Variants in CYBB observed in about 807,000 individuals in gnomAD.
CYBB encodes NADPH oxidase 2.
In CYBB, 5 loss-of-function variants were observed where a neutral mutation model predicts 46.5. The observed-to-expected ratio is 0.11, with a 90% CI of 0.06 to 0.23. The LOEUF (loss-of-function observed/expected upper bound fraction) is 0.23, where lower values mean the gene tolerates loss of function less well. Ranked by LOEUF, CYBB falls within the 10% of genes least tolerant of loss-of-function variation. The probability of loss-of-function intolerance (pLI) is 1.00; values close to 1 mark genes in which losing one functional copy is unlikely to be tolerated. For missense variants in CYBB, 307 were observed against 428.3 expected (o/e 0.72, Z 2.50); for synonymous variants, 183 against 156.7 (o/e 1.17, Z -1.26).
At chrX:37,799,196 C>A in intron 7 of CYBB, 112 bp downstream of exon 7, 3 of 730,343 alleles carry the variant, frequency 4.1e-6, no homozygotes, top group East Asian at 3.3e-5. Flanking sequence ...TTACAAATGT[C>A]ATGGAACAGC....
intron 6 of CYBB, among the ~76,000 whole-genome samples, chrX:37,797,175 A>G (rs371418498): frequency 1.8e-5 from 2 of 111,395 alleles, no homozygotes; most frequent in Admixed American, 1.9e-4. Flanking sequence ...TGGGCACTGC[A>G]TTCTTAAACT....
At chrX:37,798,549 C>A (rs1268411313) in intron 6 of CYBB, among the ~76,000 whole-genome samples, 1 of 111,911 alleles carries the variant, frequency 8.9e-6, no homozygotes, top group African/African-American at 3.2e-5. Flanking sequence ...GAGCCCTTTG[C>A]TTATATCTTC....
chrX:37,804,336 A>C (rs1415322448), intron 9 of CYBB, among the ~76,000 whole-genome samples: 2 of 111,897 alleles, frequency 1.8e-5, no homozygotes, highest in African/African-American at 3.3e-5. Flanking sequence ...AAAACCTTGA[A>C]TCAAATATTA....
At chrX:37,784,057 A>G (rs1556464946) in intron 3 of CYBB, among the ~76,000 whole-genome samples, 1 of 111,548 alleles carries the variant, frequency 9.0e-6, no homozygotes, top group Non-Finnish European at 1.9e-5. Flanking sequence ...TGTAACCAAG[A>G]AGTGTTGGCT....
chrX:37,786,333 A>C (rs1288005037), intron 3 of CYBB, among the ~76,000 whole-genome samples: 1 of 111,885 alleles, frequency 8.9e-6, no homozygotes, highest in Non-Finnish European at 1.9e-5. Flanking sequence ...GAGCCCATTC[A>C]CTTTAAATCA....
At position 37,805,091 on chromosome X, in the gene CYBB, G is replaced by A; in HGVS notation, c.1237G>A (p.Val413Ile). ...GATGTTAGTGGGAGCAGGGATTGGG[G>A]TCACACCCTTCGCATCCATTCTCAA... The part of the protein sequence containing the change: ...VVMLVGAGIG[V>I]TPFASILKSV... Residue 413 changes from valine to isoleucine, a missense_variant, in exon 10 of 13, where the codon GTC becomes ATC. This residue lies in a region of CYBB where 122 missense variants were observed against 208.3 expected (regional missense o/e 0.59). Transcript: ENST00000378588. 1 of 1,210,690 alleles carries A rather than the reference G, an allele frequency of 8.3e-7. No homozygotes were observed. The highest frequency in any genetic ancestry group is 1.1e-6 in the Non-Finnish European group (1 of 894,502).
intron 5 of CYBB, 58 bp from the exon 6 acceptor site, chrX:37,795,889 CATGT>C (rs1279237749): frequency 1.5e-4 from 105 of 689,184 alleles, no homozygotes; most frequent in African/African-American, 4.1e-4. Context: ...TGCTTGCGCA[CATGT>C]GTGTGTGTGT....
Position 37,812,336 on chromosome X carries a change from A to G in CYBB, c.*1419A>G, listed in dbSNP as rs1288250144. On this transcript the variant is annotated 3_prime_UTR_variant, in exon 13 of 13. Transcript: ENST00000378588. ...CCCCTTGGAGCCACAAATGTTTAGA[A>G]CTCTTCAACTTCGGTAATGAGGAAG... is the stretch of plus-strand genomic sequence containing the variant. 1.3e-4 allele frequency: 14 copies of G among 111,572 alleles called. No individual in the cohort carries two copies. Among genetic ancestry groups the G allele is most frequent in the African/African-American group, 4.2e-4 (13 of 30,679 alleles). The allele number at this position is 111,572 out of a possible 1,213,427, so 9.2% of individuals were successfully genotyped here.
At chrX:37,782,025 A>T in intron 1 of CYBB, 63 bp from the exon 2 acceptor site, 1 of 936,169 alleles carries the variant, frequency 1.1e-6, no homozygotes, top group Non-Finnish European at 1.6e-6. Context: ...ATCTGACTCC[A>T]GTCTTGTGTG....
chrX:37,783,666 T>A, intron 3 of CYBB, 66 bp downstream of exon 3: 2 of 713,188 alleles, frequency 2.8e-6, no homozygotes, highest in African/African-American at 2.1e-5. Context: ...TGCCCTTTTT[T>A]AGGTAAAAAC....
At chrX:37,788,691 A>T (rs1161897967) in intron 3 of CYBB, among the ~76,000 whole-genome samples, 3 of 111,331 alleles carry the variant, frequency 2.7e-5, no homozygotes, top group African/African-American at 9.8e-5. Flanking sequence ...CTGGGACCCA[A>T]CATAGGTATA....
intron 8 of CYBB, among the ~76,000 whole-genome samples, chrX:37,802,731 A>C (rs1929471049): frequency 8.9e-6 from 1 of 112,223 alleles, no homozygotes; most frequent in African/African-American, 3.2e-5. Context: ...ATTTTTTTAA[A>C]AAAGAATTTT....
intron 3 of CYBB, among the ~76,000 whole-genome samples, chrX:37,785,867 G>GC (rs1346652234): frequency 2.7e-5 from 3 of 111,458 alleles, no homozygotes; most frequent in African/African-American, 9.8e-5. Flanking sequence ...AAATTTCACT[G>GC]CCGGTGAGCA....
At chrX:37,796,647 G>T (rs1569479438) in intron 6 of CYBB, among the ~76,000 whole-genome samples, 1 of 111,898 alleles carries the variant, frequency 8.9e-6, no homozygotes, top group Non-Finnish European at 1.9e-5. Flanking sequence ...ATATGTGGTT[G>T]TTGCCTTCAA....
chrX:37,788,969 C>G (rs1929135698), intron 3 of CYBB, among the ~76,000 whole-genome samples: 1 of 111,506 alleles, frequency 9.0e-6, no homozygotes, highest in Non-Finnish European at 1.9e-5. Context: ...GTTTTCTGGG[C>G]TGAATTCCCA....
rs551669346 is a variant in CYBB, at chrX:37,807,181, A to G, written c.1461+648A>G. ...GACTAAACTAACTATGATGTTTATTAAGTTAGATGTATTAAACCCATTTTA... is the reference window on the plus strand; with the variant it reads ...GACTAAACTAACTATGATGTTTATTGAGTTAGATGTATTAAACCCATTTTA... On this transcript the variant is annotated intron_variant, in intron 11 of 12. Coordinates refer to ENST00000378588, the MANE Select transcript of CYBB (RefSeq NM_000397.4). 4.5e-5 allele frequency among the ~76,000 whole-genome samples: 5 copies of G among 110,790 alleles called. No individual in the cohort carries two copies. The South Asian group carries it at 1.9e-3, about 41-fold the overall frequency.
intron 8 of CYBB, among the ~76,000 whole-genome samples, chrX:37,803,281 T>A (rs961939718): frequency 2.7e-5 from 3 of 110,514 alleles, no homozygotes; most frequent in Non-Finnish European, 3.8e-5. Context: ...CATTAAAATA[T>A]GGCAAAACTG....
intron 8 of CYBB, among the ~76,000 whole-genome samples, chrX:37,802,773 G>A (rs1296767401): frequency 1.8e-5 from 2 of 111,701 alleles, no homozygotes; most frequent in Admixed American, 1.9e-4. Context: ...TTCGAGAAAA[G>A]CCCAGCAATA....
rs782134855 is a variant in CYBB, at chrX:37,790,108, G to A, written c.253-1867G>A. On this transcript the variant is annotated intron_variant, in intron 3 of 12. Coordinates refer to ENST00000378588, the MANE Select transcript of CYBB (RefSeq NM_000397.4). The stretch of plus-strand genomic sequence containing the variant: ...ACCCGTTAGGTAAAAACCAAAGAAC[G>A]AAACAAACAAAGTAAATGAATAAAA... 2.7e-5 allele frequency among the ~76,000 whole-genome samples: 3 copies of A among 111,879 alleles called. No homozygotes were observed. The South Asian group carries it at 1.1e-3, about 41-fold the overall frequency.
Sources: allele counts gnomAD v4.1 joint callset (sites outside exome capture counted in the v4.1 genomes callset), GRCh38; gene constraint gnomAD v4.1.1; regional missense constraint gnomAD v4.1.1; transcripts MANE v1.5; gene names NCBI Gene and HGNC (gene_info 2026-07-23, HGNC 2026-07-21).